Variants in CCDC40 observed in about 807,000 individuals in gnomAD.
CCDC40 encodes the protein coiled-coil domain 40 molecular ruler complex subunit.
Under a neutral mutation model 124.5 loss-of-function variants are expected in CCDC40, and 104 were observed. The observed-to-expected ratio is 0.84, with a 90% CI of 0.71 to 0.98. The LOEUF (loss-of-function observed/expected upper bound fraction) is 0.98. Among genes scored for constraint, CCDC40 ranks in the 50% least tolerant of loss-of-function variants. The pLI, the probability that CCDC40 is intolerant of heterozygous loss-of-function variation, is 0.00. For missense variants in CCDC40, 1,463 were observed against 1,503.9 expected (o/e 0.97, Z 0.45); for synonymous variants, 580 against 602.9 (o/e 0.96, Z 0.56).
At chr17:80,041,741 G>A (rs1275726602) in intron 3 of CCDC40, among the ~76,000 whole-genome samples, 2 of 152,130 alleles carry the variant, frequency 1.3e-5, no homozygotes, top group African/African-American at 2.4e-5. Flanking sequence ...CCTCAGCCTG[G>A]ATTTGCCCCG....
chr17:80,041,879 T>C (rs997327772), intron 3 of CCDC40, among the ~76,000 whole-genome samples: 9 of 152,138 alleles, frequency 5.9e-5, no homozygotes, highest in Admixed American at 1.3e-4. Flanking sequence ...TGATGTTCAC[T>C]TCTGTCACCA....
intron 7 of CCDC40, among the ~76,000 whole-genome samples, chr17:80,056,782 G>A (rs2037759045): frequency 6.6e-6 from 1 of 152,064 alleles, no homozygotes; most frequent in Admixed American, 6.6e-5. Context: ...GCTCACGCCT[G>A]TAATCCCAGC....
chr17:80,073,360 C>A (rs1432086719), intron 10 of CCDC40, among the ~76,000 whole-genome samples: 1 of 152,214 alleles, frequency 6.6e-6, no homozygotes, highest in Non-Finnish European at 1.5e-5. Context: ...TCCAGCGGTG[C>A]GTGCTCACTT....
Position 80,047,273 on chromosome 17 carries a change from C to G in CCDC40, c.553-6C>G, listed in dbSNP as rs758045878. On this transcript the variant is annotated splice_polypyrimidine_tract_variant and splice_region_variant and intron_variant, in intron 3 of 19. Transcript: ENST00000397545. ...GTTGACTTAGTTTTGGTTGTTCTTG[C>G]CATAGACAGGATCCACAGAGGAGCC... The G allele has an allele frequency of 6.2e-7, 1 of 1,613,648 alleles. No homozygotes were observed. The highest frequency in any genetic ancestry group is 2.2e-5 in the East Asian group (1 of 44,900).
At chr17:80,036,786 C>G (rs1598469055) in intron 1 of CCDC40, 95 bp downstream of exon 1, 5 of 1,183,778 alleles carry the variant, frequency 4.2e-6, no homozygotes, top group Middle Eastern at 1.9e-4. Flanking sequence ...CCTGCCTCGC[C>G]CCTTCGCCTC....
chr17:80,041,760 C>G (rs1012641178), intron 3 of CCDC40, among the ~76,000 whole-genome samples: 5 of 152,214 alleles, frequency 3.3e-5, no homozygotes, highest in African/African-American at 1.2e-4. Flanking sequence ...CGTGTTTCCT[C>G]ATGATGGGGT....
chr17:80,067,645 G>A, intron 10 of CCDC40: 3 of 1,536,146 alleles, frequency 2.0e-6, no homozygotes, highest in Non-Finnish European at 2.6e-6. Context: ...GTCTGTTATG[G>A]CGGTGCTGCT....
intron 10 of CCDC40, among the ~76,000 whole-genome samples, chr17:80,071,686 C>T (rs533912868): frequency 5.3e-5 from 8 of 152,274 alleles, no homozygotes; most frequent in Admixed American, 1.3e-4. Flanking sequence ...GGATGCCCCA[C>T]ACTTTATTAT....
intron 9 of CCDC40, among the ~76,000 whole-genome samples, chr17:80,062,410 C>G (rs1369641926): frequency 6.6e-6 from 1 of 151,522 alleles, no homozygotes; most frequent in Admixed American, 6.6e-5. Context: ...CCCATTAACT[C>G]GTCATTTAGC....
intron 10 of CCDC40, chr17:80,067,296 C>T (rs550596072): frequency 1.5e-5 from 8 of 540,960 alleles, no homozygotes; most frequent in East Asian, 3.0e-5. Context: ...AAATCGTATT[C>T]GATCAGGTCT....
At chr17:80,065,042 TTCCCCC>T (rs2038001202) in intron 9 of CCDC40, among the ~76,000 whole-genome samples, 1 of 117,776 alleles carries the variant, frequency 8.5e-6, no homozygotes, top group Non-Finnish European at 1.8e-5. Flanking sequence ...CCTCTCCGTC[TTCCCCC>T]TCCCCCTCCT....
At chr17:80,068,954 C>T (rs114211923) in intron 10 of CCDC40, among the ~76,000 whole-genome samples, 2,242 of 152,346 alleles carry the variant, frequency 0.015, 55 homozygotes, top group African/African-American at 0.052. Flanking sequence ...GGCCCCGGCC[C>T]TGTCTGCTTC....
chr17:80,083,644 C>G (rs986972737), intron 12 of CCDC40, among the ~76,000 whole-genome samples: 2 of 152,178 alleles, frequency 1.3e-5, no homozygotes, highest in African/African-American at 2.4e-5. Context: ...TTGGCCACAC[C>G]ATTGCAGCTG....
intron 12 of CCDC40, among the ~76,000 whole-genome samples, chr17:80,082,337 C>A (rs560738415): frequency 6.7e-6 from 1 of 150,242 alleles, no homozygotes; most frequent in Non-Finnish European, 1.5e-5. Flanking sequence ...TGGCAGGGAA[C>A]CCCCAATTGT....
intron 9 of CCDC40, among the ~76,000 whole-genome samples, chr17:80,059,427 C>T (rs2037839772): frequency 6.6e-6 from 1 of 151,512 alleles, no homozygotes; most frequent in Non-Finnish European, 1.5e-5. Context: ...GAAAGCTGCT[C>T]CCTCTTGGCC....
At chr17:80,037,009 C>T (rs2037086307) in intron 1 of CCDC40, among the ~76,000 whole-genome samples, 2 of 152,330 alleles carry the variant, frequency 1.3e-5, no homozygotes, top group South Asian at 2.1e-4. Context: ...ATGGCAACCA[C>T]TCTGCGTGGC....
intron 9 of CCDC40, among the ~76,000 whole-genome samples, chr17:80,062,412 T>A (rs897842350): frequency 6.6e-6 from 1 of 151,910 alleles, no homozygotes; most frequent in Non-Finnish European, 1.5e-5. Context: ...CATTAACTCG[T>A]CATTTAGCAT....
At position 80,058,170 on chromosome 17, in the gene CCDC40, C is replaced by T. The variant is rs996560595; in HGVS notation, c.1160-324C>T. On this transcript the variant is annotated intron_variant, in intron 7 of 19. Coordinates refer to ENST00000397545, the MANE Select transcript of CCDC40 (RefSeq NM_017950.4). This position sits in a 1 kb window ranked among gnomAD's most constrained non-coding sequence, Gnocchi z 4.2. ...TGGTAAGACATCTATGCAATCAACC[C>T]GAAGCCTTACCACCTGGCACTACTT... Among the ~76,000 whole-genome samples the T allele has an allele frequency of 3.3e-5, 5 of 152,156 alleles. No homozygotes were observed. The highest frequency in any genetic ancestry group is 5.9e-5 in the Non-Finnish European group (4 of 68,022).
In CCDC40 at chr17:80,065,524, C is replaced by T. The variant is rs200858130; in HGVS notation, c.1480C>T (p.Arg494Cys). 6 of 1,613,042 alleles carry T rather than the reference C, an allele frequency of 3.7e-6. No homozygotes were observed. Among genetic ancestry groups the T allele is most frequent in the Non-Finnish European group, 5.1e-6 (6 of 1,179,948 alleles). The change falls in exon 10 of 20, where the codon CGC (arginine) becomes TGC (cysteine). Residue 494 changes from arginine (R) to cysteine (C), a missense_variant. Physicochemically the swap from Arg to Cys is radical, Grantham distance 180 (BLOSUM62 -3). Coordinates refer to ENST00000397545, the MANE Select transcript of CCDC40 (RefSeq NM_017950.4). Reference protein sequence around the residue: ...EIDAISVEKRRIMQQWASSLV... With the variant: ...EIDAISVEKRCIMQQWASSLV... Reference sequence around the variant, plus strand: ...CGACGCCATCAGCGTGGAGAAGAGGCGCATCATGCAGCAATGGGCCAGCAG... The same window carrying T: ...CGACGCCATCAGCGTGGAGAAGAGGTGCATCATGCAGCAATGGGCCAGCAG...
Sources: allele counts gnomAD v4.1 joint callset (sites outside exome capture counted in the v4.1 genomes callset), GRCh38; gene constraint gnomAD v4.1.1; non-coding constraint Gnocchi (gnomAD v3.1); transcripts MANE v1.5; gene names NCBI Gene and HGNC (gene_info 2026-07-23, HGNC 2026-07-21).